Variants in NEK4 observed in about 807,000 individuals in gnomAD.
NEK4 encodes the protein serine/threonine-protein kinase Nek4.
Under a neutral mutation model 98.4 loss-of-function variants are expected in NEK4, and 86 were observed. The observed-to-expected ratio is 0.87, with a 90% CI of 0.73 to 1.05. NEK4 has a LOEUF of 1.05. Among genes scored for constraint, NEK4 ranks in the 50% least tolerant of loss-of-function variants. The probability of loss-of-function intolerance (pLI) is 0.00; values close to 1 mark genes in which losing one functional copy is unlikely to be tolerated. For synonymous variants in NEK4, 328 were observed against 342.2 expected (o/e 0.96, Z 0.46); for missense variants, 898 against 950.3 (o/e 0.94, Z 0.72).
chr3:52,744,778 T>C (rs532574507), intron 10 of NEK4, among the ~76,000 whole-genome samples: 2 of 147,932 alleles, frequency 1.4e-5, no homozygotes, highest in Non-Finnish European at 3.0e-5. Flanking sequence ...TAGAGGAGTG[T>C]CCATTGGAAA....
At chr3:52,749,385 G>A (rs1300634341) in intron 8 of NEK4, among the ~76,000 whole-genome samples, 3 of 151,376 alleles carry the variant, frequency 2.0e-5, no homozygotes, top group Non-Finnish European at 4.4e-5. Context: ...CTCCTGCCTC[G>A]GCCTCCCAAA....
chr3:52,752,857 G>A (rs1189834396), intron 6 of NEK4, among the ~76,000 whole-genome samples: 6 of 139,316 alleles, frequency 4.3e-5, no homozygotes, highest in East Asian at 2.1e-4. Context: ...CCGAGAGCCC[G>A]CCACTGCACT....
At chr3:52,750,897 C>T (rs1439710113) in intron 7 of NEK4, among the ~76,000 whole-genome samples, 3 of 152,106 alleles carry the variant, frequency 2.0e-5, no homozygotes, top group East Asian at 1.9e-4. Context: ...CACCACTGCA[C>T]GCTAGCCTGA....
At chr3:52,726,149 G>C (rs564071692) in intron 15 of NEK4, among the ~76,000 whole-genome samples, 1 of 152,150 alleles carries the variant, frequency 6.6e-6, no homozygotes, top group Non-Finnish European at 1.5e-5. Context: ...AAGAAGATTA[G>C]AACAATTATT....
Position 52,770,634 on chromosome 3 carries a change from CG to C in NEK4, c.93+19del. On this transcript the variant is annotated intron_variant, in intron 1 of 15. Transcript: ENST00000233027. The stretch of plus-strand genomic sequence containing the variant: ...ACTTCTGCCCGCCCCCGCCCCTTGC[CG>C]GGCCCCACCCCTGCAGACCTGCTTG... 3 of 1,532,860 alleles carry C rather than the reference CG, an allele frequency of 2.0e-6. No homozygotes were observed. The highest frequency in any genetic ancestry group is 2.6e-6 in the Non-Finnish European group (3 of 1,133,990). 95.0% of individuals were successfully genotyped at this position (1,532,860 alleles called of 1,614,324 possible).
chr3:52,764,113 C>T (rs959860768), intron 4 of NEK4, among the ~76,000 whole-genome samples: 1 of 151,284 alleles, frequency 6.6e-6, no homozygotes, highest in Admixed American at 6.6e-5. Context: ...GGTGAAACCC[C>T]GTCTCTACTA....
intron 2 of NEK4, 34 bp downstream of exon 2, chr3:52,768,304 G>C: frequency 6.4e-7 from 1 of 1,567,898 alleles, no homozygotes; most frequent in Admixed American, 1.8e-5. Flanking sequence ...TGCCATCTGG[G>C]AACAAGCTAG....
At chr3:52,729,927 G>C (rs527343750) in intron 15 of NEK4, among the ~76,000 whole-genome samples, 1 of 151,998 alleles carries the variant, frequency 6.6e-6, no homozygotes, top group East Asian at 1.9e-4. Flanking sequence ...GGCCAACACG[G>C]TGAAACCCCA....
intron 15 of NEK4, chr3:52,733,368 G>A (rs928826341): frequency 2.2e-5 from 8 of 364,768 alleles, no homozygotes; most frequent in African/African-American, 1.3e-4. Flanking sequence ...CCTCGCAAAT[G>A]TAACGAATGT....
chr3:52,718,839 C>T (rs574272195), intron 15 of NEK4, among the ~76,000 whole-genome samples: 5 of 152,336 alleles, frequency 3.3e-5, no homozygotes, highest in African/African-American at 1.2e-4. Context: ...CCGACCGTGA[C>T]TTCCGCCTCC....
intron 6 of NEK4, among the ~76,000 whole-genome samples, chr3:52,757,376 G>A (rs1222004327): frequency 6.6e-6 from 1 of 152,100 alleles, no homozygotes; most frequent in African/African-American, 2.4e-5. Flanking sequence ...TGGCCAACAT[G>A]GTGAAATCCC....
intron 15 of NEK4, among the ~76,000 whole-genome samples, chr3:52,736,478 C>T (rs554692906): frequency 6.6e-5 from 10 of 151,518 alleles, no homozygotes; most frequent in African/African-American, 2.2e-4. Flanking sequence ...CCCAGCTACT[C>T]GGGAGGCTGA....
At chr3:52,746,426 A>T (rs991260477) in intron 9 of NEK4, among the ~76,000 whole-genome samples, 1 of 152,226 alleles carries the variant, frequency 6.6e-6, no homozygotes, top group African/African-American at 2.4e-5. Context: ...TGTCAACATG[A>T]TTCTGTGGAG....
intron 15 of NEK4, 147 bp downstream of exon 15, chr3:52,737,439 A>T: frequency 1.4e-6 from 1 of 737,178 alleles, no homozygotes; most frequent in South Asian, 2.1e-5. Context: ...CGATTGTGGT[A>T]ATGACTGTAC....
At chr3:52,760,147 G>A (rs1006987369) in intron 6 of NEK4, among the ~76,000 whole-genome samples, 3 of 152,002 alleles carry the variant, frequency 2.0e-5, no homozygotes, top group Non-Finnish European at 4.4e-5. Context: ...TAGAAGTGAC[G>A]GTTGCACTAC....
intron 8 of NEK4, 134 bp from the exon 9 acceptor site, chr3:52,747,038 ATAT>A: frequency 1.5e-6 from 1 of 657,220 alleles, no homozygotes; most frequent in South Asian, 2.0e-5. Context: ...ACTGGTTTCC[ATAT>A]TGCAATTTAG....
At chr3:52,734,880 T>C in intron 15 of NEK4, 1 of 262,316 alleles carries the variant, frequency 3.8e-6, no homozygotes, top group South Asian at 4.2e-5. Flanking sequence ...GCTTGTGAAC[T>C]GAAACAAAGC....
chr3:52,746,204 C>T lies in NEK4; in HGVS notation c.1684G>A (p.Glu562Lys). 1 of 1,613,734 alleles carries T rather than the reference C, an allele frequency of 6.2e-7. No homozygotes were observed. Among genetic ancestry groups the T allele is most frequent in the Non-Finnish European group, 8.5e-7 (1 of 1,179,764 alleles). ...GAAGGCAAAAATCGAGGAGGCGACT[C>T]TTGGAACTTAAATAATTAAAAAAGA... ...QVRRDLFAFQ[E>K]SPPRFLPSHP... Residue 562 changes from glutamate to lysine, a missense_variant, in exon 10 of 16, where the codon GAG becomes AAG. Coordinates refer to ENST00000233027, the MANE Select transcript of NEK4 (RefSeq NM_003157.6).
At chr3:52,761,859 T>C (rs1326758494) in intron 5 of NEK4, among the ~76,000 whole-genome samples, 1 of 152,212 alleles carries the variant, frequency 6.6e-6, no homozygotes, top group Non-Finnish European at 1.5e-5. Context: ...GTAAAACTGA[T>C]TGGTACACTT....
Sources: allele counts gnomAD v4.1 joint callset (sites outside exome capture counted in the v4.1 genomes callset), GRCh38; gene constraint gnomAD v4.1.1; transcripts MANE v1.5; gene names NCBI Gene and HGNC (gene_info 2026-07-23, HGNC 2026-07-21).